The following RSRC1 variants were observed in gnomAD, a reference collection of about 807,000 sequenced individuals.
RSRC1 encodes serine/Arginine-related protein 53.
RSRC1 carries 39 observed loss-of-function variants against 49.1 expected under a neutral mutation model. That is an observed-to-expected ratio of 0.79 (90% confidence interval 0.61 to 1.04). The LOEUF is 1.04. Ranked by LOEUF, RSRC1 falls within the 50% of genes least tolerant of loss-of-function variation. The pLI, the probability that RSRC1 is intolerant of heterozygous loss-of-function variation, is 0.00. For missense variants in RSRC1, 388 were observed against 402.4 expected, an observed-to-expected ratio of 0.96 and a Z score of 0.31; for synonymous variants, 143 against 130.8, an observed-to-expected ratio of 1.09 and a Z score of -0.63.
intron 6 of RSRC1, among the ~76,000 whole-genome samples, chr3:158,445,939 T>A (rs910021768): frequency 5.3e-5 from 8 of 152,216 alleles, no homozygotes; most frequent in South Asian, 2.1e-4. Context: ...GAGATTTTTT[T>A]AAAAAACAAA....
At chr3:158,488,415 A>G (rs1485403997) in intron 7 of RSRC1, among the ~76,000 whole-genome samples, 1 of 152,098 alleles carries the variant, frequency 6.6e-6, no homozygotes, top group Non-Finnish European at 1.5e-5. Flanking sequence ...ACATTATTTT[A>G]TTGTACTGTT....
intron 8 of RSRC1, among the ~76,000 whole-genome samples, chr3:158,540,373 T>G (rs1712968071): frequency 6.6e-6 from 1 of 152,212 alleles, no homozygotes; most frequent in African/African-American, 2.4e-5. Flanking sequence ...TTAGATTTAG[T>G]AGTCATAAGC....
chr3:158,321,326 CTTT>C (rs1322713637), intron 5 of RSRC1, among the ~76,000 whole-genome samples: 1 of 151,222 alleles, frequency 6.6e-6, no homozygotes, highest in Non-Finnish European at 1.5e-5. Flanking sequence ...TCTTCTTCTT[CTTT>C]GCCAGAATCT....
intron 3 of RSRC1, among the ~76,000 whole-genome samples, chr3:158,157,359 C>A (rs1013906430): frequency 2.0e-5 from 3 of 152,166 alleles, no homozygotes; most frequent in African/African-American, 4.8e-5. Context: ...CTGAGTCTTA[C>A]AACTGTATCG....
At chr3:158,211,324 A>T (rs916298105) in intron 4 of RSRC1, among the ~76,000 whole-genome samples, 8 of 151,990 alleles carry the variant, frequency 5.3e-5, no homozygotes, top group African/African-American at 1.9e-4. Context: ...ACCATGCCTC[A>T]TACAAATATA....
At chr3:158,154,731 C>T (rs1029393065) in intron 3 of RSRC1, among the ~76,000 whole-genome samples, 10 of 152,176 alleles carry the variant, frequency 6.6e-5, no homozygotes, top group East Asian at 1.9e-4. Flanking sequence ...CCAAAGTGCT[C>T]GATTACAGGC....
intron 7 of RSRC1, among the ~76,000 whole-genome samples, chr3:158,465,819 GT>G (rs1177473926): frequency 2.6e-5 from 4 of 151,974 alleles, no homozygotes; most frequent in Admixed American, 6.6e-5. Flanking sequence ...TATTTCTATA[GT>G]TTTTTAACAT....
At chr3:158,397,131 T>G (rs1202018794) in intron 6 of RSRC1, among the ~76,000 whole-genome samples, 2 of 152,194 alleles carry the variant, frequency 1.3e-5, no homozygotes, top group Admixed American at 6.5e-5. Flanking sequence ...ATTTGCTAGT[T>G]TATATTAAAT....
intron 4 of RSRC1, among the ~76,000 whole-genome samples, chr3:158,284,593 T>C (rs564208281): frequency 0.023 from 3,292 of 144,826 alleles, 120 homozygotes; most frequent in African/African-American, 0.082. Context: ...TTCTAACTGG[T>C]GTGAGATGGT....
chr3:158,419,476 G>T (rs1734923577), intron 6 of RSRC1, among the ~76,000 whole-genome samples: 1 of 151,932 alleles, frequency 6.6e-6, no homozygotes, highest in Admixed American at 6.6e-5. Context: ...TTTGTTCATT[G>T]AGAGAGTGCC....
chr3:158,217,968 TAC>T (rs1722042821), intron 4 of RSRC1, among the ~76,000 whole-genome samples: 1 of 151,120 alleles, frequency 6.6e-6, no homozygotes, highest in African/African-American at 2.4e-5. Context: ...AGAAGAAAAT[TAC>T]AGAGAGAGGA....
intron 3 of RSRC1, among the ~76,000 whole-genome samples, chr3:158,181,909 C>G (rs912759780): frequency 6.6e-6 from 1 of 152,100 alleles, no homozygotes; most frequent in African/African-American, 2.4e-5. Flanking sequence ...CTATTCTAGG[C>G]ACCTGGAATA....
chr3:158,129,245 A>C (rs1476984177), intron 3 of RSRC1, among the ~76,000 whole-genome samples: 1 of 149,566 alleles, frequency 6.7e-6, no homozygotes, highest in Non-Finnish European at 1.5e-5. Flanking sequence ...GGTTAGGTTC[A>C]ATTATTTTCT....
intron 5 of RSRC1, chr3:158,302,589 A>T (rs864332): frequency 2.3e-5 from 3 of 129,428 alleles, no homozygotes; most frequent in East Asian, 2.4e-4. Context: ...ATGCTGCTCT[A>T]AAGTTGTAGA....
chr3:158,322,288 G>A (rs1728808186), intron 5 of RSRC1, among the ~76,000 whole-genome samples: 2 of 152,094 alleles, frequency 1.3e-5, no homozygotes, highest in Admixed American at 6.5e-5. Context: ...TGGTAGAGAT[G>A]GGATCTTACT....
chr3:158,286,964 C>T (rs1726601642), intron 4 of RSRC1, among the ~76,000 whole-genome samples: 1 of 152,222 alleles, frequency 6.6e-6, no homozygotes, highest in East Asian at 1.9e-4. Context: ...GTATCTGGGA[C>T]TACAGCTGCG....
intron 7 of RSRC1, among the ~76,000 whole-genome samples, chr3:158,495,518 T>C (rs1248798215): frequency 6.6e-6 from 1 of 152,154 alleles, no homozygotes; most frequent in Non-Finnish European, 1.5e-5. Flanking sequence ...ACTCCTGACC[T>C]CAAGTGATCC....
At chr3:158,219,021 G>T (rs995949309) in intron 4 of RSRC1, among the ~76,000 whole-genome samples, 1 of 151,598 alleles carries the variant, frequency 6.6e-6, no homozygotes, top group Non-Finnish European at 1.5e-5. Context: ...TACTAGGGGA[G>T]CATATTGAAA....
chr3:158,326,853 T>C (rs992463329), intron 5 of RSRC1, among the ~76,000 whole-genome samples: 3 of 152,202 alleles, frequency 2.0e-5, no homozygotes, highest in African/African-American at 7.2e-5. Context: ...TGAATCCCTC[T>C]GGTCCTATAC....
Sources: gnomAD v4.1 joint callset for allele counts (sites outside exome capture counted in the v4.1 genomes callset) on GRCh38, gnomAD v4.1.1 for gene constraint, MANE v1.5 for transcripts, NCBI Gene and HGNC (gene_info 2026-07-23, HGNC 2026-07-21) for gene names.